GRM6: variants seen among roughly 807,000 people sequenced by gnomAD.
GRM6 encodes the protein glutamate metabotropic receptor 6.
In GRM6, 73 loss-of-function variants were observed where a neutral mutation model predicts 78.4. The ratio of observed to expected loss-of-function variants is 0.93; its 90% CI spans 0.77 to 1.13. The LOEUF is 1.13. Among genes scored for constraint, GRM6 ranks in the 50% most tolerant of loss-of-function variants. The pLI is 0.00. For synonymous variants in GRM6, 580 were observed against 555.0 expected (o/e 1.05, Z -0.63); for missense variants, 1,251 against 1,256.4 (o/e 1.00, Z 0.07).
chr5:178,987,122 C>T, intron 7 of GRM6, 139 bp from the exon 8 acceptor site: 1 of 846,654 alleles, frequency 1.2e-6, no homozygotes, highest in East Asian at 2.6e-5. Flanking sequence ...ATCCAAGCCG[C>T]AGGGAGATCC....
rs971067719 is a variant in GRM6 at position 178,992,239 on chromosome 5, G to A, written c.505-156C>T. 1.0e-5 allele frequency: 7 copies of A among 703,402 alleles called. No individual in the cohort carries two copies. The highest frequency in any genetic ancestry group is 4.0e-5 in the Admixed American group (2 of 49,458). 43.6% of individuals were successfully genotyped at this position (703,402 alleles called of 1,614,324 possible). On this transcript the variant is annotated intron_variant, in intron 2 of 10. Transcript: ENST00000517717. This position sits in a 1 kb window ranked among gnomAD's most constrained non-coding sequence, Gnocchi z 4.9. ...TGGAAGGGTTGGGGTGGGGACCTGG[G>A]GCCAGCTGGAGCAGCCACCTGGAAA...
chr5:178,994,063 C>T (rs72816676), intron 2 of GRM6, among the ~76,000 whole-genome samples: 4,304 of 152,320 alleles, frequency 0.028, 87 homozygotes, highest in Non-Finnish European at 0.04. Flanking sequence ...ATCACTCGAG[C>T]GCTCCGCAGG....
rs1760667906 is a variant in GRM6, at chr5:178,991,354, G to A, written c.857+70C>T. ...AGGCAGGGAGAGTGTGTAAGGTGGCGATGTGCAAGAGGAGGGGTGGGACCC... is the reference window on the plus strand; with the variant it reads ...AGGCAGGGAGAGTGTGTAAGGTGGCAATGTGCAAGAGGAGGGGTGGGACCC... On this transcript the variant is annotated intron_variant, in intron 4 of 10. Transcript: ENST00000517717. The surrounding 1 kb of genome is among the most constrained non-coding windows in gnomAD (Gnocchi z 5.0). The A allele has an allele frequency of 1.4e-5, 19 of 1,399,990 alleles. No individual in the cohort carries two copies. The highest frequency in any genetic ancestry group is 2.3e-5 in the East Asian group (1 of 43,884). 86.7% of individuals were successfully genotyped at this position (1,399,990 alleles called of 1,614,324 possible).
At chr5:178,985,723 C>CG (rs1760525767) in intron 9 of GRM6, 1 of 378,176 alleles carries the variant, frequency 2.6e-6, no homozygotes, top group Non-Finnish European at 5.1e-6. Flanking sequence ...AACAAAACAA[C>CG]ACAGGAACCA....
In GRM6 at chr5:178,988,366, C is replaced by T. The variant is rs773312066; in HGVS notation, c.1354+569G>A. 6.6e-6 allele frequency among the ~76,000 whole-genome samples: 1 copy of T among 152,122 alleles called. No individual in the cohort carries two copies. Among genetic ancestry groups the T allele is most frequent in the Non-Finnish European group, 1.5e-5 (1 of 68,030 alleles). On this transcript the variant is annotated intron_variant, in intron 7 of 10. Transcript: ENST00000517717. This position sits in a 1 kb window ranked among gnomAD's most constrained non-coding sequence, Gnocchi z 6.0. The stretch of plus-strand genomic sequence containing the variant: ...GGTGAGTGAGTGTTCAGTGGAAGAG[C>T]GGAGTTTTGAATTGTGTAAAGGATA...
intron 10 of GRM6, among the ~76,000 whole-genome samples, chr5:178,982,604 A>G (rs1311771788): frequency 1.1e-4 from 15 of 131,114 alleles, no homozygotes; most frequent in African/African-American, 4.0e-4. Flanking sequence ...AAAAAAAAAA[A>G]GCATATGAAG....
chr5:178,983,372 C>T (rs777158877), intron 9 of GRM6, 151 bp from the exon 10 acceptor site: 25 of 756,002 alleles, frequency 3.3e-5, no homozygotes, highest in Non-Finnish European at 4.6e-5. Context: ...CAGGAGCACT[C>T]AGTGGAGAAG....
Position 178,983,220 on chromosome 5 carries a change from A to G in GRM6, c.2126T>C (p.Val709Ala), listed in dbSNP as rs1233893420. ...CCCCAGCCATGCTATCATCCCCACC[A>G]CCTGCAGGAGCCAACACTGCATCAG... is the stretch of plus-strand genomic sequence containing the variant. ...VITFSLTSLQVVGMIAWLGAR... is the reference protein window; with the variant it reads ...VITFSLTSLQAVGMIAWLGAR... Residue 709 changes from valine (V) to alanine (A), a missense_variant and splice_region_variant, in exon 10 of 11, where the codon GTG (valine) becomes GCG (alanine). Val to Ala is a moderately conservative substitution (Grantham distance 64, BLOSUM62 0). Transcript: ENST00000517717. 1 of 1,610,124 alleles carries G rather than the reference A, an allele frequency of 6.2e-7. No homozygotes were observed. Among genetic ancestry groups the G allele is most frequent in the African/African-American group, 1.3e-5 (1 of 74,848 alleles).
chr5:178,981,841 G>T lies in GRM6; in HGVS notation c.2450C>A (p.Thr817Lys). 6.2e-7 allele frequency: 1 copy of T among 1,610,566 alleles called. No homozygotes were observed. The highest frequency in any genetic ancestry group is 8.5e-7 in the Non-Finnish European group (1 of 1,176,806). Residue 817 changes from threonine to lysine, a missense_variant, in exon 11 of 11, where the codon ACA becomes AAA. By Grantham distance (78) the Thr-to-Lys change is moderately conservative. Coordinates refer to ENST00000517717, the MANE Select transcript of GRM6 (RefSeq NM_000843.4). The surrounding 1 kb of genome is among the most constrained non-coding windows in gnomAD (Gnocchi z 5.1). ...AQSAEKIYIQTTTLTVSLSLS... is the reference protein window; with the variant it reads ...AQSAEKIYIQKTTLTVSLSLS... ...GCTCAAGGACACGGTTAGCGTGGTT[G>T]TCTGGATGTAGATCTAGGCCATGGA...
chr5:178,989,372 T>C lies in GRM6; in HGVS notation c.1046A>G (p.Glu349Gly). Reference sequence around the variant, plus strand: ...GAACCAGATGTTCCTGCGGTTGTTCTCCAGGGATCGAGTCATGAAGTACTG... The same window carrying C: ...GAACCAGATGTTCCTGCGGTTGTTCCCCAGGGATCGAGTCATGAAGTACTG... ...FDQYFMTRSL[E>G]NNRRNIWFAE... is the part of the protein sequence containing the mutation. The change falls in exon 6 of 11, where the codon GAG becomes GGG. Residue 349 changes from glutamate to glycine, a missense_variant. By Grantham distance (98) the Glu-to-Gly change is moderately conservative. Coordinates refer to ENST00000517717, the MANE Select transcript of GRM6 (RefSeq NM_000843.4). 6.2e-7 allele frequency: 1 copy of C among 1,614,006 alleles called. No homozygotes were observed. The highest frequency in any genetic ancestry group is 8.5e-7 in the Non-Finnish European group (1 of 1,179,878).
rs1760707365 is a variant in GRM6, at chr5:178,992,914, G to A, written c.505-831C>T. ...CTGGAGAGAAACAAGAAGGAGAGAG[G>A]GAGAGAGAGAGAGAGAAACAACTGA... On this transcript the variant is annotated intron_variant, in intron 2 of 10. Transcript: ENST00000517717. The surrounding 1 kb of genome is among the most constrained non-coding windows in gnomAD (Gnocchi z 4.9). 6.6e-6 allele frequency among the ~76,000 whole-genome samples: 1 copy of A among 150,854 alleles called. No homozygotes were observed. Among genetic ancestry groups the A allele is most frequent in the African/African-American group, 2.4e-5 (1 of 40,972 alleles).
In GRM6 at chr5:178,986,397, C is replaced by T. The variant is rs140658210; in HGVS notation, c.1857G>A (p.Ser619=). The T allele has an allele frequency of 1.2e-5, 20 of 1,613,790 alleles. No homozygotes were observed. The highest frequency in any genetic ancestry group is 4.5e-5 in the East Asian group (2 of 44,874). Reference sequence around the variant, plus strand: ...GGAGGACGTAGCTGAGCTCTCGGCCCGAGGCCCGGACGATGGGCGTGTTGT... The same window carrying T: ...GGAGGACGTAGCTGAGCTCTCGGCCTGAGGCCCGGACGATGGGCGTGTTGT... ...RYNNTPIVRA[S]GRELSYVLLT... The change falls in exon 9 of 11, where the codon TCG becomes TCA. Residue 619 remains serine (S), a synonymous_variant. Transcript: ENST00000517717.
At chr5:178,982,297 C>G (rs75539122) in intron 10 of GRM6, among the ~76,000 whole-genome samples, 5,435 of 152,132 alleles carry the variant, frequency 0.036, 177 homozygotes, top group East Asian at 0.15. Flanking sequence ...GCACATGAAG[C>G]CTGGGCGCAG....
intron 9 of GRM6, among the ~76,000 whole-genome samples, chr5:178,984,636 G>A (rs928743413): frequency 7.2e-5 from 11 of 152,118 alleles, no homozygotes; most frequent in South Asian, 2.1e-4. Context: ...ACCTCAGGCC[G>A]GGACGTAGAG....
chr5:178,986,624 C>T lies in GRM6; in HGVS notation c.1630G>A (p.Asp544Asn). Reference protein sequence around the residue: ...VPCCWHCEACDGYRFQVDEFT... With the variant: ...VPCCWHCEACNGYRFQVDEFT... The stretch of plus-strand genomic sequence containing the variant: ...TCGTCCACCTGGAAGCGGTACCCGT[C>T]ACAGGCCTCGCAGTGCCAACAGCAG... Residue 544 changes from aspartate to asparagine, a missense_variant, in exon 9 of 11, where the codon GAC (aspartate) becomes AAC (asparagine). Transcript: ENST00000517717. 6.2e-7 allele frequency: 1 copy of T among 1,603,114 alleles called. No homozygotes were observed. Among genetic ancestry groups the T allele is most frequent in the African/African-American group, 1.3e-5 (1 of 75,058 alleles).
chr5:178,992,099 G>A lies in GRM6; in HGVS notation c.505-16C>T. Reference sequence around the variant, plus strand: ...TCTGGGGTATCTGTGGGGCAGGAAGGACAGCTGGGCTGTGGATGGAGGTCA... The same window carrying A: ...TCTGGGGTATCTGTGGGGCAGGAAGAACAGCTGGGCTGTGGATGGAGGTCA... On this transcript the variant is annotated splice_polypyrimidine_tract_variant and intron_variant, in intron 2 of 10. Coordinates refer to ENST00000517717, the MANE Select transcript of GRM6 (RefSeq NM_000843.4). The surrounding 1 kb of genome is among the most constrained non-coding windows in gnomAD (Gnocchi z 4.9). 6.3e-7 allele frequency: 1 copy of A among 1,593,336 alleles called. No homozygotes were observed. Among genetic ancestry groups the A allele is most frequent in the Non-Finnish European group, 8.6e-7 (1 of 1,161,980 alleles).
chr5:178,985,633 G>T, intron 9 of GRM6: 1 of 374,046 alleles, frequency 2.7e-6, no homozygotes, highest in Non-Finnish European at 5.2e-6. Flanking sequence ...AACCCGGAAG[G>T]CAGAGCTTGC....
At position 178,984,936 on chromosome 5, in the gene GRM6, G is replaced by A. The variant is rs1010580777; in HGVS notation, c.2124+1194C>T. Among the ~76,000 whole-genome samples, 3 of 152,240 alleles carry A rather than the reference G, an allele frequency of 2.0e-5. No homozygotes were observed. The South Asian group carries it at 6.2e-4, about 32-fold the overall frequency. On this transcript the variant is annotated intron_variant, in intron 9 of 10. Transcript: ENST00000517717. ...CCAGGTCACCCTCCCCAAGCCATCT[G>A]TCTCTCGTACTCTTCACACAGAAAA...
Position 178,986,970 on chromosome 5 carries a change from G to T in GRM6, c.1368C>A (p.Thr456=), listed in dbSNP as rs1223594357. 1 of 1,613,834 alleles carries T rather than the reference G, an allele frequency of 6.2e-7. No homozygotes were observed. Among genetic ancestry groups the T allele is most frequent in the Non-Finnish European group, 8.5e-7 (1 of 1,179,918 alleles). The change falls in exon 8 of 11, where the codon ACC becomes ACA. Residue 456 remains threonine, a synonymous_variant. Coordinates refer to ENST00000517717, the MANE Select transcript of GRM6 (RefSeq NM_000843.4). ...CTCCGTTCTCGTTGAACATCACAGG[G>T]GTTCCTGCGCTGCCTGGAGAGAGAG... is the stretch of plus-strand genomic sequence containing the variant. ...RAVRFNGSAG[T]PVMFNENGDA...
Sources: allele counts gnomAD v4.1 joint callset (sites outside exome capture counted in the v4.1 genomes callset), GRCh38; gene constraint gnomAD v4.1.1; non-coding constraint Gnocchi (gnomAD v3.1); transcripts MANE v1.5; gene names NCBI Gene and HGNC (gene_info 2026-07-23, HGNC 2026-07-21).